ANK3: variants seen among roughly 807,000 people sequenced by gnomAD.
ANK3 encodes ankyrin-3.
ANK3 carries 57 observed loss-of-function variants against 370.9 expected under a neutral mutation model. The observed-to-expected ratio is 0.15, with a 90% CI of 0.12 to 0.19. The LOEUF is 0.19. ANK3 is among the 10% of genes least tolerant of loss of function. ANK3 has a pLI of 1.00. For missense variants in ANK3, 4,439 were observed against 5,302.1 expected (o/e 0.84, Z 5.06); for synonymous variants, 1,929 against 1,946.3 (o/e 0.99, Z 0.23).
intron 2 of ANK3, among the ~76,000 whole-genome samples, chr10:60,437,945 A>G (rs2064199837): frequency 6.6e-6 from 1 of 152,236 alleles, no homozygotes; most frequent in Non-Finnish European, 1.5e-5. Context: ...TATACACTCC[A>G]AAACTCTATG....
rs1307159790 is a variant in ANK3, at chr10:60,631,310, T to G, written c.58-16086A>C. Among the ~76,000 whole-genome samples, 4 of 151,960 alleles carry G rather than the reference T, an allele frequency of 2.6e-5. No individual in the cohort carries two copies. In the East Asian group the frequency reaches 7.7e-4, roughly 29 times the overall value. ...TTCGCAGGCCAAGGTGGGTGGATCA[T>G]GAGGTCAGGAGATCGAGACCATCCT... On this transcript the variant is annotated intron_variant, in intron 1 of 43. Coordinates refer to the ANK3 transcript ENST00000373827.
chr10:60,157,039 C>CTTT (rs201585529), intron 23 of ANK3, among the ~76,000 whole-genome samples: 81,782 of 141,938 alleles, frequency 0.58, 23,782 homozygotes, highest in Middle Eastern at 0.64. Context: ...CTCAATGAAT[C>CTTT]TTTTTTTTTT....
chr10:60,045,163 G>T (rs1035091401), intron 42 of ANK3, among the ~76,000 whole-genome samples: 1 of 152,052 alleles, frequency 6.6e-6, no homozygotes, highest in Non-Finnish European at 1.5e-5. Context: ...ATCTCTATTG[G>T]CTGTAACATA....
chr10:60,226,537 CATAG>C (rs2097158373), intron 8 of ANK3, among the ~76,000 whole-genome samples: 4 of 44,878 alleles, frequency 8.9e-5, no homozygotes, highest in South Asian at 8.9e-4. Context: ...AGTATATATA[CATAG>C]TATATATACT....
At chr10:60,723,307 TATTTC>T (rs987448988) in intron 1 of ANK3, among the ~76,000 whole-genome samples, 3 of 152,228 alleles carry the variant, frequency 2.0e-5, no homozygotes, top group African/African-American at 7.2e-5. Flanking sequence ...CTTTTCTGAG[TATTTC>T]ATTTCATTTG....
intron 2 of ANK3, chr10:60,572,595 G>C (rs892253238): frequency 2.6e-6 from 4 of 1,522,436 alleles, no homozygotes; most frequent in East Asian, 2.5e-5. Flanking sequence ...CCAAAACCAC[G>C]GCAAAGAGTC....
intron 7 of ANK3, among the ~76,000 whole-genome samples, chr10:60,242,379 C>T (rs1418758691): frequency 6.6e-6 from 1 of 152,152 alleles, no homozygotes; most frequent in East Asian, 1.9e-4. Context: ...TAGAATAACT[C>T]TTAAAAGGTC....
At chr10:60,139,169 T>A in intron 23 of ANK3, 82 bp from the exon 24 acceptor site, 2 of 1,526,264 alleles carry the variant, frequency 1.3e-6, no homozygotes. Flanking sequence ...CCTTTGGTTA[T>A]CAGCAAATCC....
chr10:60,491,045 G>A (rs1390214530), intron 2 of ANK3, among the ~76,000 whole-genome samples: 1 of 152,080 alleles, frequency 6.6e-6, no homozygotes, highest in Non-Finnish European at 1.5e-5. Flanking sequence ...ATACCCTTTT[G>A]TATCTGGCTT....
chr10:60,456,461 C>T, intron 2 of ANK3, among the ~76,000 whole-genome samples: 1 of 152,278 alleles, frequency 6.6e-6, no homozygotes, highest in South Asian at 2.1e-4. Flanking sequence ...CAAACTACCT[C>T]CCTCCTACCC....
intron 1 of ANK3, among the ~76,000 whole-genome samples, chr10:60,633,380 G>C (rs910835724): frequency 6.6e-6 from 1 of 151,968 alleles, no homozygotes. Flanking sequence ...ATATGGCTAG[G>C]AATAATTTAT....
At chr10:60,717,936 G>A (rs1185962556) in intron 1 of ANK3, among the ~76,000 whole-genome samples, 2 of 152,224 alleles carry the variant, frequency 1.3e-5, no homozygotes, top group Admixed American at 1.3e-4. Context: ...CCAGCAACAT[G>A]AGCAGTCAGT....
chr10:60,437,844 C>T (rs1006178075), intron 2 of ANK3, among the ~76,000 whole-genome samples: 3 of 152,132 alleles, frequency 2.0e-5, no homozygotes, highest in African/African-American at 7.2e-5. Context: ...TATGCAGTAC[C>T]TCACAGAAAG....
rs1035161086 is a variant in ANK3 at position 60,566,999 on chromosome 10, T to C, written c.96+48187A>G. On this transcript the variant is annotated intron_variant, in intron 2 of 43. Transcript: ENST00000373827. ...AAGAAAAGTTTGAAGCTAGTAGAGG[T>C]TGATTCAAGAGGTTTAAGGAAAGAA... 2.4e-4 allele frequency among the ~76,000 whole-genome samples: 36 copies of C among 152,054 alleles called. 2 individuals carry two copies. Among genetic ancestry groups the C allele is most frequent in the Non-Finnish European group, 1.5e-5 (1 of 68,016 alleles).
intron 2 of ANK3, among the ~76,000 whole-genome samples, chr10:60,489,248 A>G (rs1055082786): frequency 6.6e-6 from 1 of 152,214 alleles, no homozygotes; most frequent in African/African-American, 2.4e-5. Context: ...TTGATATTCC[A>G]AAATACCAAC....
intron 2 of ANK3, among the ~76,000 whole-genome samples, chr10:60,404,083 C>T (rs2063405112): frequency 6.6e-6 from 1 of 152,042 alleles, no homozygotes; most frequent in Admixed American, 6.5e-5. Flanking sequence ...ATAATCATTG[C>T]TGAGAGAAAT....
At chr10:60,601,625 G>T (rs1348089887) in intron 2 of ANK3, among the ~76,000 whole-genome samples, 1 of 152,050 alleles carries the variant, frequency 6.6e-6, no homozygotes, top group Non-Finnish European at 1.5e-5. Context: ...TAGGAGACCT[G>T]GATAATGGGT....
intron 2 of ANK3, among the ~76,000 whole-genome samples, chr10:60,445,505 C>T (rs556775451): frequency 6.6e-6 from 1 of 151,526 alleles, no homozygotes; most frequent in South Asian, 2.1e-4. Flanking sequence ...AATCAGGGCT[C>T]CAGGATTAGT....
At chr10:60,256,429 C>T (rs1345121093) in intron 7 of ANK3, among the ~76,000 whole-genome samples, 3 of 152,184 alleles carry the variant, frequency 2.0e-5, no homozygotes, top group Non-Finnish European at 4.4e-5. Flanking sequence ...CTGTTTTGCT[C>T]ATGCATGTGC....
Sources: gnomAD v4.1 joint callset for allele counts (sites outside exome capture counted in the v4.1 genomes callset) on GRCh38, gnomAD v4.1.1 for gene constraint, MANE v1.5 for transcripts, NCBI Gene and HGNC (gene_info 2026-07-23, HGNC 2026-07-21) for gene names.